NTM: variants seen among roughly 807,000 people sequenced by gnomAD.
NTM encodes IgLON family member 2.
A neutral mutation model predicts 42.1 loss-of-function variants in NTM; 13 were observed. The observed-to-expected ratio is 0.31, with a 90% CI of 0.20 to 0.49. NTM has a LOEUF of 0.49. Among genes scored for constraint, NTM ranks in the 20% least tolerant of loss-of-function variants. The probability of loss-of-function intolerance (pLI) is 0.99; values close to 1 mark genes in which losing one functional copy is unlikely to be tolerated. For missense variants in NTM, 373 were observed against 452.8 expected (o/e 0.82, Z 1.60); for synonymous variants, 187 against 179.2 (o/e 1.04, Z -0.35).
intron 2 of NTM, among the ~76,000 whole-genome samples, chr11:132,020,396 CTTTTT>C (rs1024578047): frequency 5.9e-5 from 9 of 151,800 alleles, no homozygotes; most frequent in African/African-American, 2.2e-4. Flanking sequence ...TGTGATTTCT[CTTTTT>C]AAGTTCCTCT....
At chr11:131,843,534 G>C (rs1011046502) in intron 1 of NTM, among the ~76,000 whole-genome samples, 4 of 152,162 alleles carry the variant, frequency 2.6e-5, no homozygotes, top group Non-Finnish European at 4.4e-5. Context: ...CCTGTGGGCT[G>C]TCTCCACCTG....
intron 1 of NTM, among the ~76,000 whole-genome samples, chr11:131,696,984 C>T (rs568946281): frequency 6.6e-6 from 1 of 152,266 alleles, no homozygotes; most frequent in East Asian, 1.9e-4. Context: ...GAACCCGTTT[C>T]GTTAGTGGAA....
rs1594324526 is a variant in NTM, at chr11:132,070,262, C to T, written c.168-76020C>T. 1.4e-5 allele frequency among the ~76,000 whole-genome samples: 2 copies of T among 140,862 alleles called. 1 individual carries two copies. The highest frequency in any genetic ancestry group is 5.0e-4 in the South Asian group (2 of 4,024). 92.4% of individuals were successfully genotyped at this position (140,862 alleles called of 152,430 possible). A position where few individuals can be genotyped will look rare whatever the true frequency, so the allele number is the denominator to read the frequency against. Reference sequence around the variant, plus strand: ...ACACAGCCAAAACACGTCAAACTGACCATCACAGGTTAGTTAACGTGTCAC... The same window carrying T: ...ACACAGCCAAAACACGTCAAACTGATCATCACAGGTTAGTTAACGTGTCAC... On this transcript the variant is annotated intron_variant, in intron 2 of 8. Transcript: ENST00000683400.
At chr11:132,292,313 G>A (rs1180373384) in intron 4 of NTM, among the ~76,000 whole-genome samples, 1 of 152,176 alleles carries the variant, frequency 6.6e-6, no homozygotes, top group East Asian at 1.9e-4. Flanking sequence ...CTAAAATGTA[G>A]GAGATAATGA....
rs1555127950 is a variant in NTM at position 131,789,636 on chromosome 11, A to AAGAAGAAGAAGAAGAAG, written c.83-121927_83-121926insGAAGAAGAAGAAGAAGA. On this transcript the variant is annotated intron_variant, in intron 1 of 8. Transcript: ENST00000683400. The stretch of plus-strand genomic sequence containing the variant: ...AAGAAGAAGAAGAAGAAGAAGAAGA[A>AAGAAGAAGAAGAAGAAG]AAGAAGAAGAAGAAGAAGAAGAAGA... Among the ~76,000 whole-genome samples the AAGAAGAAGAAGAAGAAG allele has an allele frequency of 4.9e-4, 15 of 30,902 alleles. 4 individuals carry two copies. Among genetic ancestry groups the AAGAAGAAGAAGAAGAAG allele is most frequent in the African/African-American group, 1.8e-3 (15 of 8,288 alleles). The allele number at this position is 30,902 out of a possible 152,430, so 20.3% of individuals were successfully genotyped here. A position where few individuals can be genotyped will look rare whatever the true frequency, so the allele number is the denominator to read the frequency against.
intron 1 of NTM, among the ~76,000 whole-genome samples, chr11:131,430,528 C>T (rs1948567484): frequency 1.3e-5 from 2 of 152,206 alleles, no homozygotes; most frequent in Admixed American, 1.3e-4. Context: ...CTGGGCCACA[C>T]TGTAAACATA....
At chr11:131,570,376 A>G (rs1308705987) in intron 1 of NTM, among the ~76,000 whole-genome samples, 4 of 152,226 alleles carry the variant, frequency 2.6e-5, no homozygotes, top group Admixed American at 1.3e-4. Context: ...GCTCTGCTCT[A>G]GAATTGATTC....
At chr11:131,903,494 C>T (rs2053451380) in intron 1 of NTM, among the ~76,000 whole-genome samples, 1 of 152,214 alleles carries the variant, frequency 6.6e-6, no homozygotes, top group Non-Finnish European at 1.5e-5. Context: ...TTTTAATCAT[C>T]TTGACTCTTC....
At chr11:131,975,867 C>G (rs2064255166) in intron 2 of NTM, among the ~76,000 whole-genome samples, 1 of 152,090 alleles carries the variant, frequency 6.6e-6, no homozygotes, top group Non-Finnish European at 1.5e-5. Flanking sequence ...GATTTCCTGT[C>G]ATTTATTCTG....
intron 1 of NTM, among the ~76,000 whole-genome samples, chr11:131,691,487 C>A (rs902123682): frequency 6.6e-6 from 1 of 152,060 alleles, no homozygotes; most frequent in Non-Finnish European, 1.5e-5. Flanking sequence ...CCCCACACCA[C>A]CTTGCTCCCT....
intron 4 of NTM, among the ~76,000 whole-genome samples, chr11:132,305,078 A>T (rs2095029858): frequency 6.6e-6 from 1 of 152,200 alleles, no homozygotes; most frequent in Admixed American, 6.5e-5. Context: ...CAGAAAACTG[A>T]TGAGTTCTCG....
chr11:132,316,562 G>GTTCT (rs2095435042), intron 7 of NTM, among the ~76,000 whole-genome samples: 1 of 152,294 alleles, frequency 6.6e-6, no homozygotes, highest in South Asian at 2.1e-4. Context: ...ATGTGGGGAT[G>GTTCT]TTCTTTAATG....
chr11:131,832,728 A>G (rs2042976008), intron 1 of NTM, among the ~76,000 whole-genome samples: 1 of 152,176 alleles, frequency 6.6e-6, no homozygotes, highest in African/African-American at 2.4e-5. Context: ...AAATAATAGT[A>G]ACTCCTTCCA....
At chr11:131,841,350 C>T (rs2044217919) in intron 1 of NTM, among the ~76,000 whole-genome samples, 1 of 152,144 alleles carries the variant, frequency 6.6e-6, no homozygotes, top group South Asian at 2.1e-4. Context: ...CCTCCCATTT[C>T]CTCAATAAAC....
intron 1 of NTM, among the ~76,000 whole-genome samples, chr11:131,880,630 A>G (rs1275989871): frequency 1.3e-5 from 2 of 152,170 alleles, no homozygotes; most frequent in Non-Finnish European, 2.9e-5. Context: ...GCTCGATTCA[A>G]GGGTCACAGG....
At chr11:131,511,524 A>T (rs374948669) in intron 1 of NTM, among the ~76,000 whole-genome samples, 1 of 152,210 alleles carries the variant, frequency 6.6e-6, no homozygotes, top group African/African-American at 2.4e-5. Flanking sequence ...CCAAACTTCA[A>T]TCTGAAGCCT....
chr11:131,973,428 T>C (rs1421261413), intron 2 of NTM, among the ~76,000 whole-genome samples: 1 of 152,244 alleles, frequency 6.6e-6, no homozygotes, highest in Non-Finnish European at 1.5e-5. Flanking sequence ...TTATTAGTGC[T>C]TCTCATGTGA....
rs552685315 is a variant in NTM at position 131,986,478 on chromosome 11, T to C, written c.167+74830T>C. On this transcript the variant is annotated intron_variant, in intron 2 of 8. Transcript: ENST00000683400. Reference sequence around the variant, plus strand: ...GACTATCACGTTTGCTTCTTCTACCTGACATTCATTTTATTGTTTCAGTTA... The same window carrying C: ...GACTATCACGTTTGCTTCTTCTACCCGACATTCATTTTATTGTTTCAGTTA... Among the ~76,000 whole-genome samples, 10 of 152,352 alleles carry C rather than the reference T, an allele frequency of 6.6e-5. No individual in the cohort carries two copies. The East Asian group carries it at 1.9e-3, about 29-fold the overall frequency.
intron 1 of NTM, among the ~76,000 whole-genome samples, chr11:131,859,457 G>A (rs747466505): frequency 2.6e-5 from 4 of 152,112 alleles, no homozygotes; most frequent in East Asian, 1.9e-4. Flanking sequence ...TGTCCCTTTC[G>A]AGTAGTCCTT....
Sources: gnomAD v4.1 joint callset for allele counts (sites outside exome capture counted in the v4.1 genomes callset) on GRCh38, gnomAD v4.1.1 for gene constraint, MANE v1.5 for transcripts, NCBI Gene and HGNC (gene_info 2026-07-23, HGNC 2026-07-21) for gene names.